CYP39A1: variants seen among roughly 807,000 people sequenced by gnomAD.
CYP39A1 encodes the protein 24-hydroxycholesterol 7-alpha-hydroxylase.
CYP39A1 carries 49 observed loss-of-function variants against 58.1 expected under a neutral mutation model. That is an observed-to-expected ratio of 0.84 (90% CI 0.67 to 1.07). The LOEUF is 1.07. Ranked by LOEUF, CYP39A1 falls within the 50% of genes least tolerant of loss-of-function variation. CYP39A1 has a pLI of 0.00. For synonymous variants in CYP39A1, 209 were observed against 187.6 expected, an observed-to-expected ratio of 1.11 and a Z score of -0.93; for missense variants, 531 against 539.4, an observed-to-expected ratio of 0.98 and a Z score of 0.16.
chr6:46,592,948 A>G (rs1337766054), intron 8 of CYP39A1, among the ~76,000 whole-genome samples: 2 of 152,024 alleles, frequency 1.3e-5, no homozygotes, highest in Non-Finnish European at 2.9e-5. Flanking sequence ...AGAGATGCAA[A>G]TAATTACCAC....
At chr6:46,568,538 A>G (rs116015248) in intron 10 of CYP39A1, among the ~76,000 whole-genome samples, 13 of 152,112 alleles carry the variant, frequency 8.5e-5, no homozygotes, top group African/African-American at 2.9e-4. Flanking sequence ...TTAAGTATTT[A>G]TTTTATTTTG....
intron 6 of CYP39A1, among the ~76,000 whole-genome samples, 173 bp downstream of exon 6, chr6:46,630,790 G>A (rs1463822343): frequency 2.0e-5 from 3 of 152,138 alleles, no homozygotes; most frequent in Admixed American, 6.5e-5. Context: ...AACCTAATCA[G>A]ATTTCATTAG....
chr6:46,643,882 G>A (rs1776491773), intron 1 of CYP39A1, among the ~76,000 whole-genome samples: 1 of 152,170 alleles, frequency 6.6e-6, no homozygotes, highest in Non-Finnish European at 1.5e-5. Context: ...GTATGTTGTA[G>A]AAGTGGTGCT....
chr6:46,570,269 T>G (rs1204080579), intron 10 of CYP39A1, among the ~76,000 whole-genome samples: 1 of 152,168 alleles, frequency 6.6e-6, no homozygotes, highest in Admixed American at 6.6e-5. Flanking sequence ...AAGACTTAAT[T>G]TTTTAACTGA....
At chr6:46,628,693 G>T (rs564559684) in intron 6 of CYP39A1, among the ~76,000 whole-genome samples, 1 of 151,990 alleles carries the variant, frequency 6.6e-6, no homozygotes, top group Non-Finnish European at 1.5e-5. Flanking sequence ...GAAAAGACAG[G>T]CCCCACCACC....
intron 8 of CYP39A1, among the ~76,000 whole-genome samples, chr6:46,594,926 T>C (rs1314982868): frequency 1.3e-5 from 2 of 151,656 alleles, no homozygotes; most frequent in South Asian, 2.1e-4. Context: ...GAGGTTAATA[T>C]CCAAAATATA....
intron 7 of CYP39A1, among the ~76,000 whole-genome samples, chr6:46,609,287 C>T (rs1774055169): frequency 1.3e-5 from 2 of 151,744 alleles, no homozygotes; most frequent in Admixed American, 1.3e-4. Flanking sequence ...CCTGTAGTTC[C>T]AGCTACTCGG....
intron 10 of CYP39A1, among the ~76,000 whole-genome samples, chr6:46,559,834 A>G (rs1770877155): frequency 6.6e-6 from 1 of 152,216 alleles, no homozygotes; most frequent in South Asian, 2.1e-4. Flanking sequence ...TTATACACTA[A>G]GAGTTCTAAC....
intron 8 of CYP39A1, among the ~76,000 whole-genome samples, chr6:46,590,251 TC>T (rs1329082266): frequency 6.6e-6 from 1 of 152,164 alleles, no homozygotes; most frequent in African/African-American, 2.4e-5. Context: ...AAGAACTGCA[TC>T]TCTCAGGTAG....
At chr6:46,627,611 G>T (rs1378904342) in intron 6 of CYP39A1, among the ~76,000 whole-genome samples, 1 of 151,738 alleles carries the variant, frequency 6.6e-6, no homozygotes, top group Non-Finnish European at 1.5e-5. Flanking sequence ...GTAGAGACAG[G>T]GTTTCACCGT....
rs555554434 is a variant in CYP39A1 at position 46,649,761 on chromosome 6, G to A, written c.177+2645C>T. 1.1e-3 allele frequency among the ~76,000 whole-genome samples: 165 copies of A among 152,284 alleles called. 1 individual carries two copies. Among genetic ancestry groups the A allele is most frequent in the Middle Eastern group, 3.4e-3 (1 of 294 alleles). On this transcript the variant is annotated intron_variant, in intron 1 of 11. Transcript: ENST00000275016. Reference sequence around the variant, plus strand: ...GAGAACTGGGTGGAAGGGAAAAAGAGGTTGAAGGGACTTTCCCCGTAGTTT... The same window carrying A: ...GAGAACTGGGTGGAAGGGAAAAAGAAGTTGAAGGGACTTTCCCCGTAGTTT...
intron 10 of CYP39A1, among the ~76,000 whole-genome samples, chr6:46,563,004 T>G (rs2150485392): frequency 6.6e-6 from 1 of 152,118 alleles, no homozygotes; most frequent in African/African-American, 2.4e-5. Context: ...TTATATTACA[T>G]TAAGATTTTG....
chr6:46,595,849 T>C, intron 8 of CYP39A1, 138 bp downstream of exon 8: 1 of 834,208 alleles, frequency 1.2e-6, no homozygotes, highest in Non-Finnish European at 1.8e-6. Context: ...AACCACATGT[T>C]GTACAAGACA....
Position 46,652,740 on chromosome 6 carries a change from A to C in CYP39A1, c.-158T>G. The C allele has an allele frequency of 1.6e-6, 1 of 615,634 alleles. No individual in the cohort carries two copies. The highest frequency in any genetic ancestry group is 2.7e-5 in the South Asian group (1 of 37,504). The allele number at this position is 615,634 out of a possible 1,614,324, so 38.1% of individuals were successfully genotyped here. A position where few individuals can be genotyped will look rare whatever the true frequency, so the allele number is the denominator to read the frequency against. On this transcript the variant is annotated 5_prime_UTR_variant, in exon 1 of 12. Transcript: ENST00000275016. ...AACTGTAGCTTCCTTCCTCTGTCCC[A>C]GTTTTCAGGTGATTTTTCCATTGTC...
chr6:46,641,675 G>T (rs1776347285), intron 2 of CYP39A1, among the ~76,000 whole-genome samples: 1 of 152,168 alleles, frequency 6.6e-6, no homozygotes, highest in South Asian at 2.1e-4. Context: ...TGAAGATGGA[G>T]GATTTGTGAA....
chr6:46,613,704 GTT>G (rs544125145), intron 7 of CYP39A1, among the ~76,000 whole-genome samples: 1 of 143,142 alleles, frequency 7.0e-6, no homozygotes. Flanking sequence ...TTATTTGTTT[GTT>G]TTTTTTTTTA....
At chr6:46,622,420 C>CGCA (rs1209030376) in intron 7 of CYP39A1, among the ~76,000 whole-genome samples, 40 of 151,996 alleles carry the variant, frequency 2.6e-4, no homozygotes, top group Non-Finnish European at 4.9e-4. Flanking sequence ...AACCTGAGAA[C>CGCA]GCACTTCTAC....
chr6:46,595,337 G>A (rs1047249488), intron 8 of CYP39A1, among the ~76,000 whole-genome samples: 1 of 151,890 alleles, frequency 6.6e-6, no homozygotes, highest in African/African-American at 2.4e-5. Flanking sequence ...AAATCAGTAT[G>A]TTGAAGACAT....
rs1483031822 is a variant in CYP39A1 at position 46,636,491 on chromosome 6, G to C, written c.639-9C>G. 1.3e-6 allele frequency: 2 copies of C among 1,556,492 alleles called. No homozygotes were observed. Among genetic ancestry groups the C allele is most frequent in the African/African-American group, 2.7e-5 (2 of 72,740 alleles). ...TGGATTTTGACCAGTTTCTACATGA[G>C]AAAAAATATATATAGAAATTAATTG... On this transcript the variant is annotated splice_polypyrimidine_tract_variant and intron_variant, in intron 4 of 11. Transcript: ENST00000275016.
Sources: allele counts gnomAD v4.1 joint callset (sites outside exome capture counted in the v4.1 genomes callset), GRCh38; gene constraint gnomAD v4.1.1; transcripts MANE v1.5; gene names NCBI Gene and HGNC (gene_info 2026-07-23, HGNC 2026-07-21).